The following TC2N variants were observed in gnomAD, a reference collection of about 807,000 sequenced individuals.
The protein encoded by TC2N is tandem C2 domains nuclear protein.
TC2N carries 51 observed loss-of-function variants against 61.9 expected under a neutral mutation model. That is an observed-to-expected ratio of 0.82 (90% CI 0.66 to 1.04). TC2N has a LOEUF of 1.04. Among genes scored for constraint, TC2N ranks in the 50% least tolerant of loss-of-function variants. The probability of loss-of-function intolerance (pLI) is 0.00; values close to 1 mark genes in which losing one functional copy is unlikely to be tolerated. For synonymous variants in TC2N, 204 were observed against 192.6 expected, an observed-to-expected ratio of 1.06 and a Z score of -0.49; for missense variants, 556 against 566.7, an observed-to-expected ratio of 0.98 and a Z score of 0.19.
chr14:91,854,467 A>G, intron 1 of TC2N, among the ~76,000 whole-genome samples: 1 of 105,748 alleles, frequency 9.5e-6, no homozygotes. Context: ...GGGGAGGGGA[A>G]GGAGGAGGAG....
At chr14:91,800,414 C>A in intron 4 of TC2N, 42 bp from the exon 5 acceptor site, 1 of 1,124,220 alleles carries the variant, frequency 8.9e-7, no homozygotes, top group Non-Finnish European at 1.3e-6. Context: ...TTAAGAAACA[C>A]TGGAATTCTA....
chr14:91,844,988 A>C (rs956380251), intron 1 of TC2N, among the ~76,000 whole-genome samples: 1 of 151,900 alleles, frequency 6.6e-6, no homozygotes, highest in Non-Finnish European at 1.5e-5. Flanking sequence ...TAATCCCAGC[A>C]CTTTGGGAGG....
intron 10 of TC2N, among the ~76,000 whole-genome samples, chr14:91,787,308 A>G (rs1464619940): frequency 6.6e-6 from 1 of 152,190 alleles, no homozygotes; most frequent in Non-Finnish European, 1.5e-5. Context: ...CAGAGAGGTC[A>G]TAACTGGATA....
chr14:91,788,093 C>A (rs1257545823), intron 9 of TC2N, among the ~76,000 whole-genome samples: 2 of 151,816 alleles, frequency 1.3e-5, no homozygotes, highest in Non-Finnish European at 2.9e-5. Context: ...CAGAAGACAG[C>A]AATAAACAGA....
chr14:91,816,926 T>G (rs992074841), intron 1 of TC2N, among the ~76,000 whole-genome samples: 10 of 151,942 alleles, frequency 6.6e-5, no homozygotes, highest in African/African-American at 2.4e-4. Context: ...TCTTATATCA[T>G]GTTATAACAT....
Position 91,782,187 on chromosome 14 carries a change from A to C in TC2N, c.*913T>G. 6.6e-6 allele frequency: 1 copy of C among 152,046 alleles called. No individual in the cohort carries two copies. Among genetic ancestry groups the C allele is most frequent in the East Asian group, 1.9e-4 (1 of 5,204 alleles). 9.4% of individuals were successfully genotyped at this position (152,046 alleles called of 1,614,324 possible). Reference sequence around the variant, plus strand: ...TAGAAAATATTTGTTACACAGTATAATCAGGTATGGTTATGAAAAAAATGA... The same window carrying C: ...TAGAAAATATTTGTTACACAGTATACTCAGGTATGGTTATGAAAAAAATGA... On this transcript the variant is annotated 3_prime_UTR_variant, in exon 12 of 12. Transcript: ENST00000435962.
chr14:91,825,497 A>G lies in TC2N; in HGVS notation c.-56-11672T>C, dbSNP rs536296957. On this transcript the variant is annotated intron_variant, in intron 1 of 11. Transcript: ENST00000435962. ...TCCTTCGTCTGCTTTAAGTAATGCT[A>G]TATCTCTCTATCACTTTCAGGATAA... 5.3e-4 allele frequency among the ~76,000 whole-genome samples: 81 copies of G among 152,252 alleles called. 3 individuals are homozygous for G. In the South Asian group the frequency reaches 0.016, roughly 30 times the overall value.
rs748031394 is a variant in TC2N at position 91,812,453 on chromosome 14, G to A, written c.160C>T (p.Gln54Ter). Residue 54 changes from glutamine (Q) to a stop codon, truncating the protein, a stop_gained, in exon 3 of 12, where the codon CAG becomes TAG. Coordinates refer to ENST00000435962, the MANE Select transcript of TC2N (RefSeq NM_001128596.3). LOFTEE classifies it high-confidence loss of function. The part of the protein sequence containing the change: ...PPLTSVSVKP[Q>*]LGCTEDYLLS... ...AAATAATCCTCAGTACAGCCAAGCT[G>A]AGGCTTTACAGAAACAGAAGTCAAT... 6.2e-7 allele frequency: 1 copy of A among 1,611,820 alleles called. No homozygotes were observed. The highest frequency in any genetic ancestry group is 8.5e-7 in the Non-Finnish European group (1 of 1,178,358).
In TC2N at chr14:91,811,476, C is replaced by A. The variant is rs565582624; in HGVS notation, c.301+836G>T. Among the ~76,000 whole-genome samples, 1,151 of 151,682 alleles carry A rather than the reference C, an allele frequency of 7.6e-3. 9 individuals carry two copies. Among genetic ancestry groups the A allele is most frequent in the Non-Finnish European group, 0.013 (880 of 67,818 alleles). ...TAATACAAATTGTTTTTTAAAAAAACAAGACAAGAGCTACATGTTGTTTCA... is the reference window on the plus strand; with the variant it reads ...TAATACAAATTGTTTTTTAAAAAAAAAAGACAAGAGCTACATGTTGTTTCA... On this transcript the variant is annotated intron_variant, in intron 3 of 11. Coordinates refer to ENST00000435962, the MANE Select transcript of TC2N (RefSeq NM_001128596.3).
rs5810557 is a variant in TC2N at position 91,864,777 on chromosome 14, C to CT, written c.-57+2484dup. Among the ~76,000 whole-genome samples the CT allele has an allele frequency of 5.0e-3, 351 of 70,678 alleles. 2 individuals are homozygous for CT. Among genetic ancestry groups the CT allele is most frequent in the African/African-American group, 0.014 (305 of 22,314 alleles). The allele number at this position is 70,678 out of a possible 152,430, so 46.4% of individuals were successfully genotyped here. A position where few individuals can be genotyped will look rare whatever the true frequency, so the allele number is the denominator to read the frequency against. On this transcript the variant is annotated intron_variant, in intron 1 of 11. Coordinates refer to ENST00000435962, the MANE Select transcript of TC2N (RefSeq NM_001128596.3). ...TGTGTACAATTTACCCTGCCTTCATCTTTTTTTTTTTTTTTTTTTTTTGAG... is the reference window on the plus strand; with the variant it reads ...TGTGTACAATTTACCCTGCCTTCATCTTTTTTTTTTTTTTTTTTTTTTTGAG...
Position 91,802,411 on chromosome 14 carries a change from T to C in TC2N, c.312A>G (p.Arg104=), listed in dbSNP as rs1886303628. The part of the protein sequence containing the change: ...SHLEELEGSA[R]ASFGDRKVEL... The stretch of plus-strand genomic sequence containing the variant: ...CTACCTTTCGATCTCCAAAAGATGC[T>C]CTGGCAGATCCTGAAAGCAAATGTT... Residue 104 remains arginine, a synonymous_variant, in exon 4 of 12, where the codon AGA becomes AGG. Coordinates refer to ENST00000435962, the MANE Select transcript of TC2N (RefSeq NM_001128596.3). The C allele has an allele frequency of 1.2e-6, 2 of 1,610,182 alleles. No individual in the cohort carries two copies. Among genetic ancestry groups the C allele is most frequent in the African/African-American group, 2.7e-5 (2 of 74,682 alleles).
At chr14:91,798,247 G>A (rs1402539376) in intron 7 of TC2N, 52 bp downstream of exon 7, 1 of 979,678 alleles carries the variant, frequency 1.0e-6, no homozygotes, top group African/African-American at 1.7e-5. Context: ...TGTTTACAAT[G>A]TCTAAATATT....
intron 1 of TC2N, among the ~76,000 whole-genome samples, chr14:91,861,779 G>A (rs905821475): frequency 6.6e-6 from 1 of 152,206 alleles, no homozygotes; most frequent in Admixed American, 6.5e-5. Flanking sequence ...CTGATGGCGG[G>A]TGTTTGTAAT....
intron 1 of TC2N, among the ~76,000 whole-genome samples, chr14:91,835,864 G>A (rs986022203): frequency 2.6e-5 from 4 of 152,192 alleles, no homozygotes; most frequent in Non-Finnish European, 4.4e-5. Context: ...TGGACGCGCC[G>A]TCGGAAGCCC....
rs1228807459 is a variant in TC2N at position 91,792,501 on chromosome 14, C to T, written c.913G>A (p.Val305Ile). The change falls in exon 9 of 12, where the codon GTA (valine) becomes ATA (isoleucine). Residue 305 changes from valine (V) to isoleucine (I), a missense_variant. Val to Ile is a conservative substitution (Grantham distance 29, BLOSUM62 3). Coordinates refer to ENST00000435962, the MANE Select transcript of TC2N (RefSeq NM_001128596.3). ...GTTTGAATCTTAAATACAAGTCTTA[C>T]AGTTTGTAGATTTTGAAGTTTAATA... The part of the protein sequence containing the change: ...FAIKLQNLQT[V>I]RLVFKIQTQT... The T allele has an allele frequency of 2.5e-6, 4 of 1,601,952 alleles. No individual in the cohort carries two copies. Among genetic ancestry groups the T allele is most frequent in the African/African-American group, 1.3e-5 (1 of 74,572 alleles).
rs552873519 is a variant in TC2N, at chr14:91,790,618, C to T, written c.1047+1749G>A. On this transcript the variant is annotated intron_variant, in intron 9 of 11. Transcript: ENST00000435962. Reference sequence around the variant, plus strand: ...ATAATTATTCATTCATATTTTCCAACGCAGATAATAATATCTTAATTCCCC... The same window carrying T: ...ATAATTATTCATTCATATTTTCCAATGCAGATAATAATATCTTAATTCCCC... Among the ~76,000 whole-genome samples, 12 of 152,266 alleles carry T rather than the reference C, an allele frequency of 7.9e-5. No individual in the cohort carries two copies. The South Asian group carries it at 8.3e-4, about 11-fold the overall frequency.
intron 8 of TC2N, among the ~76,000 whole-genome samples, chr14:91,792,835 T>C (rs1460811090): frequency 1.3e-5 from 2 of 152,200 alleles, no homozygotes; most frequent in South Asian, 2.1e-4. Context: ...TTTTCCCTTT[T>C]TGAAAATTAA....
At chr14:91,824,629 G>A (rs1887410258) in intron 1 of TC2N, among the ~76,000 whole-genome samples, 1 of 152,308 alleles carries the variant, frequency 6.6e-6, no homozygotes, top group East Asian at 1.9e-4. Context: ...AGGCACTGAA[G>A]ACAAAATAGG....
chr14:91,851,188 A>T (rs1240058883), intron 1 of TC2N, among the ~76,000 whole-genome samples: 2 of 152,216 alleles, frequency 1.3e-5, no homozygotes, highest in Admixed American at 1.3e-4. Context: ...CTTCCACGAA[A>T]CTGGTCCTGC....
Sources: allele counts gnomAD v4.1 joint callset (sites outside exome capture counted in the v4.1 genomes callset), GRCh38; gene constraint gnomAD v4.1.1; transcripts MANE v1.5; gene names NCBI Gene and HGNC (gene_info 2026-07-23, HGNC 2026-07-21).